SMYD3: variants seen among roughly 807,000 people sequenced by gnomAD.
SMYD3 encodes the protein SET and MYND domain containing 3.
Under a neutral mutation model 57.7 loss-of-function variants are expected in SMYD3, and 36 were observed. The ratio of observed to expected loss-of-function variants is 0.62; its 90% CI spans 0.48 to 0.82. SMYD3 has a LOEUF of 0.82. Among genes scored for constraint, SMYD3 ranks in the 40% least tolerant of loss-of-function variants. SMYD3 has a pLI of 0.00. For missense variants in SMYD3, 515 were observed against 538.8 expected (o/e 0.96, Z 0.44); for synonymous variants, 211 against 195.0 (o/e 1.08, Z -0.68).
chr1:246,312,429 TA>T (rs1385209756), intron 5 of SMYD3, among the ~76,000 whole-genome samples: 1 of 151,626 alleles, frequency 6.6e-6, no homozygotes, highest in Non-Finnish European at 1.5e-5. Context: ...CAAAACAATA[TA>T]AAAATAAAAC....
chr1:245,830,553 C>T (rs1233304001), intron 10 of SMYD3, among the ~76,000 whole-genome samples: 1 of 152,234 alleles, frequency 6.6e-6, no homozygotes, highest in African/African-American at 2.4e-5. Flanking sequence ...GGGTAGGCAA[C>T]TGGCCTGGGC....
intron 5 of SMYD3, among the ~76,000 whole-genome samples, chr1:246,176,977 C>A (rs1057013003): frequency 2.6e-5 from 4 of 152,092 alleles, no homozygotes; most frequent in African/African-American, 9.7e-5. Flanking sequence ...ATTGGTGAAA[C>A]ACAAAGGAAA....
chr1:246,503,315 C>A (rs1021955919), intron 1 of SMYD3, among the ~76,000 whole-genome samples: 1 of 152,176 alleles, frequency 6.6e-6, no homozygotes, highest in African/African-American at 2.4e-5. Context: ...CTTTACCCTA[C>A]AGAAGAAACT....
At chr1:246,412,071 C>T (rs1169867930) in intron 1 of SMYD3, among the ~76,000 whole-genome samples, 1 of 151,920 alleles carries the variant, frequency 6.6e-6, no homozygotes, top group South Asian at 2.1e-4. Context: ...TTTGCGTTAA[C>T]TACCTTTCTC....
At chr1:246,294,968 A>C (rs541744524) in intron 5 of SMYD3, among the ~76,000 whole-genome samples, 12 of 152,326 alleles carry the variant, frequency 7.9e-5, no homozygotes, top group South Asian at 2.1e-4. Context: ...TTACAGGGTT[A>C]CTGTGGAGGT....
chr1:246,342,439 A>G (rs897775528), intron 2 of SMYD3, among the ~76,000 whole-genome samples: 5 of 152,228 alleles, frequency 3.3e-5, no homozygotes, highest in African/African-American at 1.2e-4. Context: ...CTTGAAATGT[A>G]GTCCAATATT....
At chr1:245,954,645 C>T (rs1361906232) in intron 5 of SMYD3, among the ~76,000 whole-genome samples, 3 of 152,200 alleles carry the variant, frequency 2.0e-5, no homozygotes, top group Non-Finnish European at 4.4e-5. Context: ...ACCACTGCAG[C>T]CACTGTCCAG....
chr1:245,768,423 T>A (rs927117912), intron 10 of SMYD3, among the ~76,000 whole-genome samples: 1 of 152,230 alleles, frequency 6.6e-6, no homozygotes, highest in African/African-American at 2.4e-5. Flanking sequence ...AAATATCTGA[T>A]GCCAGGATCT....
At chr1:245,760,787 G>A (rs562305428) in intron 11 of SMYD3, among the ~76,000 whole-genome samples, 1 of 152,018 alleles carries the variant, frequency 6.6e-6, no homozygotes, top group Non-Finnish European at 1.5e-5. Flanking sequence ...GAACCACCGT[G>A]TACCCCAAAC....
chr1:245,847,518 T>C (rs1479479276), intron 10 of SMYD3, among the ~76,000 whole-genome samples: 1 of 152,234 alleles, frequency 6.6e-6, no homozygotes, highest in Non-Finnish European at 1.5e-5. Context: ...CAAAGTTTTA[T>C]CCTTCATTAC....
chr1:245,835,122 CTT>C (rs11449373), intron 10 of SMYD3, among the ~76,000 whole-genome samples: 5 of 134,044 alleles, frequency 3.7e-5, no homozygotes, highest in Non-Finnish European at 3.1e-5. Flanking sequence ...GGCAGGTTTC[CTT>C]TTTTTTTTTT....
In SMYD3 at chr1:245,964,985, A is replaced by G. The variant is rs570640322; in HGVS notation, c.532-35048T>C. The stretch of plus-strand genomic sequence containing the variant: ...ACCACAGATCCATGAAGCTTAGAGA[A>G]CACTAAGCAGGATGCCAGGAAAACT... On this transcript the variant is annotated intron_variant, in intron 5 of 11. Transcript: ENST00000490107. Among the ~76,000 whole-genome samples, 10 of 152,240 alleles carry G rather than the reference A, an allele frequency of 6.6e-5. No homozygotes were observed. In the South Asian group the frequency reaches 2.1e-3, roughly 32 times the overall value.
chr1:245,829,896 T>C (rs972607017), intron 10 of SMYD3, among the ~76,000 whole-genome samples: 6 of 152,142 alleles, frequency 3.9e-5, no homozygotes, highest in East Asian at 1.9e-4. Flanking sequence ...ATTCCATTTA[T>C]ATAAACTGTC....
chr1:246,088,482 C>A (rs569242934), intron 5 of SMYD3, among the ~76,000 whole-genome samples: 1 of 130,288 alleles, frequency 7.7e-6, no homozygotes. Flanking sequence ...TGGTGACAGG[C>A]GCCTGTAGTC....
intron 2 of SMYD3, among the ~76,000 whole-genome samples, chr1:246,353,445 G>A (rs927735963): frequency 2.6e-5 from 4 of 152,058 alleles, no homozygotes; most frequent in South Asian, 4.1e-4. Context: ...CAGGGAGACC[G>A]CTTGAACCCA....
chr1:246,293,334 G>A (rs952467612), intron 5 of SMYD3, among the ~76,000 whole-genome samples: 1 of 152,124 alleles, frequency 6.6e-6, no homozygotes, highest in Non-Finnish European at 1.5e-5. Flanking sequence ...ATGTTTTGCT[G>A]GCACCCTAGA....
chr1:246,033,701 C>T (rs895878340), intron 5 of SMYD3, among the ~76,000 whole-genome samples: 5 of 152,114 alleles, frequency 3.3e-5, no homozygotes, highest in Non-Finnish European at 7.3e-5. Flanking sequence ...GCACGAGAAT[C>T]GCTTGAACCC....
intron 1 of SMYD3, among the ~76,000 whole-genome samples, chr1:246,420,605 T>C (rs1051000107): frequency 6.6e-6 from 1 of 152,264 alleles, no homozygotes; most frequent in African/African-American, 2.4e-5. Flanking sequence ...GATAGTCTTA[T>C]ATTTGGCATG....
intron 10 of SMYD3, among the ~76,000 whole-genome samples, chr1:245,851,863 C>A (rs1360873532): frequency 6.6e-6 from 1 of 152,118 alleles, no homozygotes; most frequent in Non-Finnish European, 1.5e-5. Flanking sequence ...AGGAGTGAAA[C>A]ACTATAGAGA....
Sources: gnomAD v4.1 joint callset for allele counts (sites outside exome capture counted in the v4.1 genomes callset) on GRCh38, gnomAD v4.1.1 for gene constraint, MANE v1.5 for transcripts, NCBI Gene and HGNC (gene_info 2026-07-23, HGNC 2026-07-21) for gene names.